CNTN4: variants seen among roughly 807,000 people sequenced by gnomAD.
CNTN4 encodes the protein contactin-4.
A neutral mutation model predicts 122.5 loss-of-function variants in CNTN4; 77 were observed. That is an observed-to-expected ratio of 0.63 (90% CI 0.52 to 0.76). The LOEUF (loss-of-function observed/expected upper bound fraction) is 0.76. CNTN4 is among the 30% of genes least tolerant of loss of function. The probability of loss-of-function intolerance (pLI) is 0.00; values close to 1 mark genes in which losing one functional copy is unlikely to be tolerated. For synonymous variants in CNTN4, 512 were observed against 447.0 expected, an observed-to-expected ratio of 1.15 and a Z score of -1.83; for missense variants, 1,256 against 1,259.1, an observed-to-expected ratio of 1.00 and a Z score of 0.04.
chr3:2,144,861 C>T (rs1203960120), intron 2 of CNTN4, among the ~76,000 whole-genome samples: 2 of 152,164 alleles, frequency 1.3e-5, no homozygotes, highest in African/African-American at 4.8e-5. Flanking sequence ...TTCTCAACAT[C>T]GAAGCTGTCC....
At position 2,504,192 on chromosome 3, in the gene CNTN4, T is replaced by C. The variant is rs1041999472; in HGVS notation, c.-88-67224T>C. Among the ~76,000 whole-genome samples the C allele has an allele frequency of 3.3e-5, 5 of 152,238 alleles. No individual in the cohort carries two copies. The South Asian group carries it at 8.3e-4, about 25-fold the overall frequency. On this transcript the variant is annotated intron_variant, in intron 3 of 24. Transcript: ENST00000418658. ...AGAAGTGTAGTATTTTTAGCACTAGTAGATATGAAGAGGGATGTCTCGTTT... is the reference window on the plus strand; with the variant it reads ...AGAAGTGTAGTATTTTTAGCACTAGCAGATATGAAGAGGGATGTCTCGTTT...
chr3:2,705,737 G>A (rs2086656626), intron 4 of CNTN4, among the ~76,000 whole-genome samples: 9 of 87,176 alleles, frequency 1.0e-4, no homozygotes, highest in South Asian at 4.0e-4. Context: ...AAATATATAT[G>A]ATATATATGA....
intron 6 of CNTN4, among the ~76,000 whole-genome samples, chr3:2,757,569 G>T (rs1033913570): frequency 3.9e-5 from 6 of 152,168 alleles, no homozygotes; most frequent in Non-Finnish European, 8.8e-5. Flanking sequence ...GCCCCAGAAA[G>T]TCCCTGTGCT....
chr3:2,755,847 G>A (rs2090312352), intron 6 of CNTN4, among the ~76,000 whole-genome samples: 1 of 151,872 alleles, frequency 6.6e-6, no homozygotes, highest in South Asian at 2.1e-4. Context: ...AAAACATGAA[G>A]GCTAAAAGAG....
At chr3:2,739,388 T>C (rs2089324031) in intron 5 of CNTN4, among the ~76,000 whole-genome samples, 1 of 152,100 alleles carries the variant, frequency 6.6e-6, no homozygotes, top group African/African-American at 2.4e-5. Flanking sequence ...ATGTTCATAG[T>C]ATATTCACAA....
chr3:2,602,019 A>T (rs1159361997), intron 4 of CNTN4, among the ~76,000 whole-genome samples: 1 of 152,174 alleles, frequency 6.6e-6, no homozygotes, highest in Non-Finnish European at 1.5e-5. Context: ...AGATGCAGAA[A>T]AGGCCTTCAA....
At chr3:2,591,156 C>T (rs2080452990) in intron 4 of CNTN4, among the ~76,000 whole-genome samples, 1 of 152,070 alleles carries the variant, frequency 6.6e-6, no homozygotes, top group South Asian at 2.1e-4. Flanking sequence ...GACTGGAGCT[C>T]CATTTGAAGA....
At chr3:2,951,020 C>G (rs1031426468) in intron 13 of CNTN4, among the ~76,000 whole-genome samples, 1 of 152,146 alleles carries the variant, frequency 6.6e-6, no homozygotes, top group African/African-American at 2.4e-5. Flanking sequence ...CTTAATCTCT[C>G]GAAACCTAAT....
intron 3 of CNTN4, among the ~76,000 whole-genome samples, chr3:2,565,912 A>G (rs1252677037): frequency 1.3e-5 from 2 of 152,218 alleles, no homozygotes; most frequent in East Asian, 1.9e-4. Flanking sequence ...TGCCTTCAGA[A>G]TGGTAGCACT....
intron 7 of CNTN4, among the ~76,000 whole-genome samples, chr3:2,855,277 T>A (rs1240188877): frequency 1.3e-5 from 2 of 152,210 alleles, no homozygotes; most frequent in African/African-American, 4.8e-5. Context: ...GCTCCTGGCA[T>A]AGGAAAAGAA....
chr3:2,569,966 C>G (rs530503940), intron 3 of CNTN4, among the ~76,000 whole-genome samples: 39 of 152,020 alleles, frequency 2.6e-4, no homozygotes, highest in African/African-American at 8.7e-4. Flanking sequence ...GTGCCTTGTT[C>G]CTCTTGATGG....
At chr3:2,253,800 C>G (rs142709407) in intron 2 of CNTN4, among the ~76,000 whole-genome samples, 130 of 152,238 alleles carry the variant, frequency 8.5e-4, no homozygotes, top group African/African-American at 2.9e-3. Flanking sequence ...AGCCACCACA[C>G]CTGGTCAAGA....
chr3:2,393,302 T>A (rs902382710), intron 3 of CNTN4, among the ~76,000 whole-genome samples: 1 of 152,162 alleles, frequency 6.6e-6, no homozygotes, highest in African/African-American at 2.4e-5. Context: ...GTAATGACCC[T>A]ATTTTTAAAT....
At chr3:2,417,918 AC>A (rs915461987) in intron 3 of CNTN4, among the ~76,000 whole-genome samples, 121 of 152,330 alleles carry the variant, frequency 7.9e-4, no homozygotes, top group African/African-American at 2.9e-3. Flanking sequence ...CAACTATATG[AC>A]ATTCTGGAAA....
intron 7 of CNTN4, among the ~76,000 whole-genome samples, chr3:2,858,998 C>G (rs1398502991): frequency 6.6e-6 from 1 of 152,208 alleles, no homozygotes; most frequent in Non-Finnish European, 1.5e-5. Flanking sequence ...CAATAGCTCT[C>G]TTGAACTTAT....
chr3:2,260,728 A>AT (rs200213068), intron 2 of CNTN4, among the ~76,000 whole-genome samples: 3,009 of 92,884 alleles, frequency 0.032, 41 homozygotes, highest in Non-Finnish European at 0.045. Context: ...TATTTTATTT[A>AT]TTTATTTTTT....
chr3:2,782,343 A>C (rs76772537), intron 6 of CNTN4, among the ~76,000 whole-genome samples: 1 of 152,042 alleles, frequency 6.6e-6, no homozygotes, highest in African/African-American at 2.4e-5. Flanking sequence ...ATACCTCTGC[A>C]TGCTGTATGA....
At chr3:2,292,056 AT>A (rs905457279) in intron 2 of CNTN4, among the ~76,000 whole-genome samples, 3 of 152,154 alleles carry the variant, frequency 2.0e-5, no homozygotes, top group African/African-American at 7.2e-5. Flanking sequence ...TTTTAATGCC[AT>A]TTTTTACAGT....
At chr3:2,428,655 C>T (rs929816465) in intron 3 of CNTN4, among the ~76,000 whole-genome samples, 1 of 152,184 alleles carries the variant, frequency 6.6e-6, no homozygotes, top group African/African-American at 2.4e-5. Flanking sequence ...CAGATAATAT[C>T]CTGCAGAGTG....
Sources: gnomAD v4.1 joint callset for allele counts (sites outside exome capture counted in the v4.1 genomes callset) on GRCh38, gnomAD v4.1.1 for gene constraint, MANE v1.5 for transcripts, NCBI Gene and HGNC (gene_info 2026-07-23, HGNC 2026-07-21) for gene names.